RNASET2: variants seen among roughly 807,000 people sequenced by gnomAD.
The protein encoded by RNASET2 is ribonuclease 6.
A neutral mutation model predicts 33.9 loss-of-function variants in RNASET2; 28 were observed. That is an observed-to-expected ratio of 0.83 (90% CI 0.61 to 1.13). The LOEUF (loss-of-function observed/expected upper bound fraction) is 1.13. Among genes scored for constraint, RNASET2 ranks in the 50% most tolerant of loss-of-function variants. The pLI is 0.00. For missense variants in RNASET2, 330 were observed against 319.9 expected (o/e 1.03, Z -0.24); for synonymous variants, 123 against 121.0 (o/e 1.02, Z -0.11).
intron 1 of RNASET2, among the ~76,000 whole-genome samples, chr6:166,955,175 C>CCACACACACACA (rs144459587): frequency 5.3e-5 from 7 of 131,076 alleles, no homozygotes; most frequent in African/African-American, 1.9e-4. Context: ...TGGGCGGCTG[C>CCACACACACACA]CACACACACA....
In RNASET2 at chr6:166,938,945, C is replaced by T; in HGVS notation, c.396G>A (p.Lys132=). ...AAQVDALNSQ[K]KYFGRSLELY... ...GTTCCAGGCTTCTGCCAAAGTACTT[C>T]TTCTGGGAGTTGAGCGCATCCACCT... Residue 132 remains lysine, a synonymous_variant, in exon 6 of 9, where the codon AAG becomes AAA. Coordinates refer to ENST00000508775, the MANE Select transcript of RNASET2 (RefSeq NM_003730.6). 1 of 1,613,878 alleles carries T rather than the reference C, an allele frequency of 6.2e-7. No individual in the cohort carries two copies. Among genetic ancestry groups the T allele is most frequent in the Non-Finnish European group, 8.5e-7 (1 of 1,180,016 alleles).
intron 6 of RNASET2, among the ~76,000 whole-genome samples, chr6:166,936,471 G>A (rs1311507532): frequency 6.6e-6 from 1 of 152,152 alleles, no homozygotes; most frequent in African/African-American, 2.4e-5. Context: ...CAGGCTGTCC[G>A]AGAAGCATGG....
At chr6:166,951,304 C>T (rs982283218) in intron 2 of RNASET2, among the ~76,000 whole-genome samples, 1 of 152,238 alleles carries the variant, frequency 6.6e-6, no homozygotes, top group Non-Finnish European at 1.5e-5. Context: ...GAAAGTGAAA[C>T]AGCAGTGTGA....
Position 166,936,350 on chromosome 6 carries a change from C to T in RNASET2, c.447-2214G>A, listed in dbSNP as rs200060903. 7.0e-4 allele frequency among the ~76,000 whole-genome samples: 104 copies of T among 149,488 alleles called. 1 individual carries two copies. Among genetic ancestry groups the T allele is most frequent in the African/African-American group, 2.5e-3 (100 of 40,790 alleles). On this transcript the variant is annotated intron_variant, in intron 6 of 8. Transcript: ENST00000508775. ...CCAGGACTTAGAGTTTTGCATGTGT[C>T]GTGTGTGTGTGTGTGTGTGTGTGTC...
At chr6:166,943,887 C>T (rs1320628712) in intron 4 of RNASET2, 15 of 353,678 alleles carry the variant, frequency 4.2e-5, no homozygotes, top group African/African-American at 2.4e-4. Flanking sequence ...TTTCGGAGGC[C>T]GATGCGGGCG....
intron 1 of RNASET2, among the ~76,000 whole-genome samples, chr6:166,955,230 C>T (rs1435502334): frequency 8.9e-5 from 4 of 44,980 alleles, no homozygotes; most frequent in African/African-American, 1.5e-4. Flanking sequence ...CGCGCACACA[C>T]GCACGCACGC....
At chr6:166,952,162 C>A (rs1778999161) in intron 2 of RNASET2, among the ~76,000 whole-genome samples, 1 of 152,358 alleles carries the variant, frequency 6.6e-6, no homozygotes, top group Middle Eastern at 3.4e-3. Context: ...TAGAAGCTAG[C>A]AGAGAAACAG....
Position 166,926,506 on chromosome 6 carries a change from C to T in RNASET2, c.*3082G>A, listed in dbSNP as rs2128642993. Among the ~76,000 whole-genome samples the T allele has an allele frequency of 6.7e-6, 1 of 149,210 alleles. No individual in the cohort carries two copies. The highest frequency in any genetic ancestry group is 2.0e-4 in the East Asian group (1 of 5,058). ...CCGAGATCGCACCACTGCACTCCAGCCTGGGCGACAGAGTGAGACTCAGTC... is the reference window on the plus strand; with the variant it reads ...CCGAGATCGCACCACTGCACTCCAGTCTGGGCGACAGAGTGAGACTCAGTC... On this transcript the variant is annotated 3_prime_UTR_variant, in exon 9 of 9. Transcript: ENST00000508775.
At position 166,924,348 on chromosome 6, in the gene RNASET2, C is replaced by T. The variant is rs966253106; in HGVS notation, c.*5240G>A. ...ACTCCTGACCTTGGGATCCGCCTGCCTTGGCCTCCCAAAGTGCTGGTATTA... is the reference window on the plus strand; with the variant it reads ...ACTCCTGACCTTGGGATCCGCCTGCTTTGGCCTCCCAAAGTGCTGGTATTA... On this transcript the variant is annotated 3_prime_UTR_variant, in exon 9 of 9. Coordinates refer to ENST00000508775, the MANE Select transcript of RNASET2 (RefSeq NM_003730.6). Among the ~76,000 whole-genome samples the T allele has an allele frequency of 4.1e-4, 62 of 152,314 alleles. No homozygotes were observed. The highest frequency in any genetic ancestry group is 1.5e-3 in the African/African-American group (61 of 41,546).
intron 2 of RNASET2, 22 bp downstream of exon 2, chr6:166,952,466 C>T (rs772256108): frequency 3.7e-6 from 6 of 1,611,266 alleles, no homozygotes; most frequent in South Asian, 1.1e-5. Context: ...GCCCCAGGGC[C>T]CGTCAAGGCA....
In RNASET2 at chr6:166,927,136, G is replaced by A. The variant is rs1005650479; in HGVS notation, c.*2452C>T. On this transcript the variant is annotated 3_prime_UTR_variant, in exon 9 of 9. Coordinates refer to ENST00000508775, the MANE Select transcript of RNASET2 (RefSeq NM_003730.6). ...CCTGAGTTGAATCTGGAAAATGCACGACCTACTTGTTTAATGATGTAAAAA... is the reference window on the plus strand; with the variant it reads ...CCTGAGTTGAATCTGGAAAATGCACAACCTACTTGTTTAATGATGTAAAAA... Among the ~76,000 whole-genome samples the A allele has an allele frequency of 6.6e-5, 10 of 152,172 alleles. No homozygotes were observed. The highest frequency in any genetic ancestry group is 2.1e-4 in the South Asian group (1 of 4,832).
In RNASET2 at chr6:166,931,045, T is replaced by C. The variant is rs1245786090; in HGVS notation, c.566A>G (p.Gln189Arg). ...IPKIQCLPPS[Q>R]DEEVQTIGQI... ...GAAGACAAAACATAACTGTCTAACC[T>C]GGCTTGGTGGAAGGCACTGGATTTT... Residue 189 changes from glutamine (Q) to arginine (R), a missense_variant and splice_region_variant, in exon 8 of 9, where the codon CAG becomes CGG. Gln to Arg is a conservative substitution (Grantham distance 43). Coordinates refer to ENST00000508775, the MANE Select transcript of RNASET2 (RefSeq NM_003730.6). 1.9e-6 allele frequency: 3 copies of C among 1,608,698 alleles called. No homozygotes were observed. The highest frequency in any genetic ancestry group is 1.1e-5 in the South Asian group (1 of 90,982).
rs897668511 is a variant in RNASET2, at chr6:166,954,585, A to G, written c.86+1512T>C. Among the ~76,000 whole-genome samples, 3 of 152,240 alleles carry G rather than the reference A, an allele frequency of 2.0e-5. No individual in the cohort carries two copies. In the East Asian group the frequency reaches 5.8e-4, roughly 29 times the overall value. ...GCATGCCACAGACTTCCCCAGTGAG[A>G]GGCTCTGAACCTCATGGCCAATAAA... is the stretch of plus-strand genomic sequence containing the variant. On this transcript the variant is annotated intron_variant, in intron 1 of 8. Transcript: ENST00000508775.
At position 166,956,477 on chromosome 6, in the gene RNASET2, G is replaced by A. The variant is rs746313878; in HGVS notation, c.-295C>T. Reference sequence around the variant, plus strand: ...GCGCGCACGTCCCGGGCTCTGCTTCGCGACCCACAGCGACCCCAGCTCCTC... The same window carrying A: ...GCGCGCACGTCCCGGGCTCTGCTTCACGACCCACAGCGACCCCAGCTCCTC... On this transcript the variant is annotated 5_prime_UTR_variant, in exon 1 of 9. Coordinates refer to ENST00000508775, the MANE Select transcript of RNASET2 (RefSeq NM_003730.6). 1 of 450,354 alleles carries A rather than the reference G, an allele frequency of 2.2e-6. No homozygotes were observed. The highest frequency in any genetic ancestry group is 4.0e-6 in the Non-Finnish European group (1 of 249,214). The allele number at this position is 450,354 out of a possible 1,614,324, so 27.9% of individuals were successfully genotyped here.
Position 166,956,121 on chromosome 6 carries a change from A to G in RNASET2, c.62T>C (p.Leu21Pro). 1 of 1,552,278 alleles carries G rather than the reference A, an allele frequency of 6.4e-7. No individual in the cohort carries two copies. The highest frequency in any genetic ancestry group is 8.7e-7 in the Non-Finnish European group (1 of 1,147,316). ...LGCLCLALLCLGGADKRLRDN... is the reference protein window; with the variant it reads ...LGCLCLALLCPGGADKRLRDN... Reference sequence around the variant, plus strand: ...CCGCAGGCGCTTGTCCGCACCGCCCAGGCAAAGCAACGCCAGGCAGAGGCA... The same window carrying G: ...CCGCAGGCGCTTGTCCGCACCGCCCGGGCAAAGCAACGCCAGGCAGAGGCA... The change falls in exon 1 of 9, where the codon CTG becomes CCG. Residue 21 changes from leucine (L) to proline (P), a missense_variant. Transcript: ENST00000508775.
intron 2 of RNASET2, among the ~76,000 whole-genome samples, chr6:166,950,942 T>C (rs1031045517): frequency 3.9e-5 from 6 of 152,008 alleles, no homozygotes; most frequent in Non-Finnish European, 8.8e-5. Flanking sequence ...ATTGTAGAAA[T>C]AAAGACACAA....
intron 5 of RNASET2, among the ~76,000 whole-genome samples, chr6:166,940,603 G>T (rs1437400156): frequency 6.6e-6 from 1 of 152,166 alleles, no homozygotes; most frequent in Non-Finnish European, 1.5e-5. Flanking sequence ...CCACATGAAT[G>T]AAAACAGTTC....
rs926022981 is a variant in RNASET2, at chr6:166,933,997, G to C, written c.492+94C>G. Reference sequence around the variant, plus strand: ...TAAGTAGGAAGGGGGTTTGCACTGGGGCAATTTACAGCCCATTGACTCAGA... The same window carrying C: ...TAAGTAGGAAGGGGGTTTGCACTGGCGCAATTTACAGCCCATTGACTCAGA... On this transcript the variant is annotated intron_variant, in intron 7 of 8. Transcript: ENST00000508775. The surrounding 1 kb of genome is among the most constrained non-coding windows in gnomAD (Gnocchi z 4.1). 1.1e-6 allele frequency: 1 copy of C among 872,708 alleles called. No homozygotes were observed. Among genetic ancestry groups the C allele is most frequent in the Admixed American group, 1.7e-5 (1 of 59,044 alleles). The allele number at this position is 872,708 out of a possible 1,614,324, so 54.1% of individuals were successfully genotyped here.
At position 166,927,467 on chromosome 6, in the gene RNASET2, T is replaced by C. The variant is rs979607806; in HGVS notation, c.*2121A>G. Reference sequence around the variant, plus strand: ...CCACCAGGATGCTACCTTGTTGGCGTCCCCATCCGCTCTCAAATGCTCACA... The same window carrying C: ...CCACCAGGATGCTACCTTGTTGGCGCCCCCATCCGCTCTCAAATGCTCACA... On this transcript the variant is annotated 3_prime_UTR_variant, in exon 9 of 9. Transcript: ENST00000508775. 6.6e-6 allele frequency among the ~76,000 whole-genome samples: 1 copy of C among 151,918 alleles called. No homozygotes were observed. The highest frequency in any genetic ancestry group is 1.5e-5 in the Non-Finnish European group (1 of 67,986).
Sources: allele counts gnomAD v4.1 joint callset (sites outside exome capture counted in the v4.1 genomes callset), GRCh38; gene constraint gnomAD v4.1.1; non-coding constraint Gnocchi (gnomAD v3.1); transcripts MANE v1.5; gene names NCBI Gene and HGNC (gene_info 2026-07-23, HGNC 2026-07-21).